The following GULP1 variants were observed in gnomAD, a reference collection of about 807,000 sequenced individuals.
The protein encoded by GULP1 is GULP PTB domain containing engulfment adaptor 1.
A neutral mutation model predicts 40.9 loss-of-function variants in GULP1; 19 were observed. That is an observed-to-expected ratio of 0.46 (90% CI 0.32 to 0.68). The LOEUF (loss-of-function observed/expected upper bound fraction) is 0.68. Among genes scored for constraint, GULP1 ranks in the 30% least tolerant of loss-of-function variants. The probability of loss-of-function intolerance (pLI) is 0.03; values close to 1 mark genes in which losing one functional copy is unlikely to be tolerated. For missense variants in GULP1, 312 were observed against 362.2 expected, an observed-to-expected ratio of 0.86 and a Z score of 1.12; for synonymous variants, 119 against 117.6, an observed-to-expected ratio of 1.01 and a Z score of -0.08.
intron 6 of GULP1, among the ~76,000 whole-genome samples, chr2:188,530,578 A>C (rs2153233858): frequency 6.6e-6 from 1 of 152,292 alleles, no homozygotes; most frequent in South Asian, 2.1e-4. Context: ...TTACAAAAAG[A>C]GGAAGAGACA....
intron 1 of GULP1, among the ~76,000 whole-genome samples, chr2:188,369,994 C>T (rs1222283147): frequency 3.9e-5 from 6 of 152,138 alleles, no homozygotes; most frequent in Non-Finnish European, 2.9e-5. Context: ...AGGTGTGTGC[C>T]AACACACCTG....
At chr2:188,460,744 G>T (rs2059634761) in intron 2 of GULP1, among the ~76,000 whole-genome samples, 1 of 152,058 alleles carries the variant, frequency 6.6e-6, no homozygotes, top group South Asian at 2.1e-4. Flanking sequence ...CAGGGGTAAG[G>T]CTTTCAGTTT....
At chr2:188,332,715 A>C (rs1195638519) in intron 1 of GULP1, among the ~76,000 whole-genome samples, 10 of 151,990 alleles carry the variant, frequency 6.6e-5, no homozygotes, top group Admixed American at 6.6e-4. Context: ...CAGATGTGGG[A>C]TGGGAGAGAC....
rs1046496637 is a variant in GULP1 at position 188,425,305 on chromosome 2, GACATA to G, written c.-45+41417_-45+41421del. On this transcript the variant is annotated intron_variant, in intron 2 of 11. Coordinates refer to ENST00000409830, the MANE Select transcript of GULP1 (RefSeq NM_016315.4). ...CTGTTGTTATGAGCTTATGGATTTA[GACATA>G]CTTGACATATTTCAACCTGTTGCAG... Among the ~76,000 whole-genome samples the G allele has an allele frequency of 3.9e-5, 6 of 152,010 alleles. 1 individual carries two copies. Among genetic ancestry groups the G allele is most frequent in the Admixed American group, 3.9e-4 (6 of 15,258 alleles).
At chr2:188,523,958 A>G (rs970431895) in intron 5 of GULP1, among the ~76,000 whole-genome samples, 3 of 152,204 alleles carry the variant, frequency 2.0e-5, no homozygotes, top group Non-Finnish European at 4.4e-5. Flanking sequence ...TATTTCCACC[A>G]TTCATTAGGT....
intron 2 of GULP1, among the ~76,000 whole-genome samples, chr2:188,440,926 G>A (rs1387351182): frequency 6.6e-6 from 1 of 152,164 alleles, no homozygotes; most frequent in Admixed American, 6.5e-5. Flanking sequence ...TGTATGTTGG[G>A]CCTTTATTCT....
chr2:188,512,432 C>G (rs2064678791), intron 4 of GULP1, among the ~76,000 whole-genome samples: 1 of 152,036 alleles, frequency 6.6e-6, no homozygotes, highest in Non-Finnish European at 1.5e-5. Flanking sequence ...TTTGAATTTA[C>G]TATACATAAA....
intron 1 of GULP1, among the ~76,000 whole-genome samples, chr2:188,312,111 T>C (rs1048972042): frequency 2.0e-5 from 3 of 152,088 alleles, no homozygotes; most frequent in African/African-American, 7.2e-5. Context: ...ATTGTCTTTC[T>C]GTTATGTCAT....
intron 1 of GULP1, among the ~76,000 whole-genome samples, chr2:188,378,380 T>C (rs139857499): frequency 3.5e-4 from 54 of 152,286 alleles, no homozygotes; most frequent in African/African-American, 1.3e-3. Context: ...TTTGAAGACT[T>C]ATTTAATGAT....
chr2:188,575,549 A>G (rs1700002397), intron 9 of GULP1, among the ~76,000 whole-genome samples: 1 of 152,216 alleles, frequency 6.6e-6, no homozygotes, highest in Admixed American at 6.5e-5. Flanking sequence ...GAAAGTGACC[A>G]GGGAAGCAAG....
intron 1 of GULP1, among the ~76,000 whole-genome samples, chr2:188,381,699 T>A (rs935507635): frequency 2.5e-4 from 38 of 152,304 alleles, no homozygotes; most frequent in African/African-American, 8.9e-4. Context: ...TCCTTTTCTC[T>A]CCTCTCATTT....
In GULP1 at chr2:188,530,214, G is replaced by A. The variant is rs185760776; in HGVS notation, c.261+1019G>A. On this transcript the variant is annotated intron_variant, in intron 6 of 11. Transcript: ENST00000409830. Reference sequence around the variant, plus strand: ...ATACACAGACAACCCTAGGTGAATGGCCTCATGCTTATTTAATTTAGCACT... The same window carrying A: ...ATACACAGACAACCCTAGGTGAATGACCTCATGCTTATTTAATTTAGCACT... Among the ~76,000 whole-genome samples the A allele has an allele frequency of 5.3e-5, 8 of 152,234 alleles. No individual in the cohort carries two copies. The East Asian group carries it at 9.6e-4, about 18-fold the overall frequency.
At chr2:188,551,184 G>A (rs1258599801) in intron 7 of GULP1, among the ~76,000 whole-genome samples, 1 of 151,490 alleles carries the variant, frequency 6.6e-6, no homozygotes, top group Non-Finnish European at 1.5e-5. Context: ...TCAAGTCAAG[G>A]CATTTAGGGA....
chr2:188,438,163 A>G (rs944821815), intron 2 of GULP1, among the ~76,000 whole-genome samples: 1 of 152,104 alleles, frequency 6.6e-6, no homozygotes, highest in African/African-American at 2.4e-5. Context: ...GGTTTGAGAA[A>G]CCAAGACTAA....
At chr2:188,559,975 T>G (rs1695827994) in intron 7 of GULP1, among the ~76,000 whole-genome samples, 13 of 152,202 alleles carry the variant, frequency 8.5e-5, no homozygotes, top group Admixed American at 6.5e-4. Flanking sequence ...TTTTGCTTCC[T>G]GCCGTGATTC....
intron 5 of GULP1, among the ~76,000 whole-genome samples, chr2:188,526,975 GA>G (rs905647176): frequency 6.6e-6 from 1 of 152,068 alleles, no homozygotes; most frequent in African/African-American, 2.4e-5. Flanking sequence ...GAAGAAGAGA[GA>G]AAAGTTTCAG....
chr2:188,582,508 A>G (rs1576284169), intron 9 of GULP1: 1 of 471,292 alleles, frequency 2.1e-6, no homozygotes, highest in African/African-American at 2.0e-5. Context: ...TAATACCACC[A>G]CCTTCTAAAT....
In GULP1 at chr2:188,418,490, G is replaced by A. The variant is rs757274969; in HGVS notation, c.-45+34601G>A. Among the ~76,000 whole-genome samples the A allele has an allele frequency of 1.6e-4, 25 of 152,074 alleles. 1 individual carries two copies. The highest frequency in any genetic ancestry group is 3.9e-4 in the Admixed American group (6 of 15,258). Reference sequence around the variant, plus strand: ...CTACTAAAAATACAAAAAATTAGCCGGGCATGGTGGTGGGCGCCTGTTATC... The same window carrying A: ...CTACTAAAAATACAAAAAATTAGCCAGGCATGGTGGTGGGCGCCTGTTATC... On this transcript the variant is annotated intron_variant, in intron 2 of 11. Coordinates refer to ENST00000409830, the MANE Select transcript of GULP1 (RefSeq NM_016315.4).
intron 1 of GULP1, among the ~76,000 whole-genome samples, chr2:188,335,497 C>G (rs1232442726): frequency 6.6e-6 from 1 of 152,162 alleles, no homozygotes; most frequent in African/African-American, 2.4e-5. Context: ...AAAGCCCTTG[C>G]TAATTATTTG....
Sources: allele counts gnomAD v4.1 joint callset (sites outside exome capture counted in the v4.1 genomes callset), GRCh38; gene constraint gnomAD v4.1.1; transcripts MANE v1.5; gene names NCBI Gene and HGNC (gene_info 2026-07-23, HGNC 2026-07-21).